Variants in FRMD4B observed in about 807,000 individuals in gnomAD.
The protein encoded by FRMD4B is FERM domain containing 4B.
Under a neutral mutation model 141.5 loss-of-function variants are expected in FRMD4B, and 74 were observed. The observed-to-expected ratio is 0.52, with a 90% CI of 0.43 to 0.63. The LOEUF is 0.63. Ranked by LOEUF, FRMD4B falls within the 30% of genes least tolerant of loss-of-function variation. FRMD4B has a pLI of 0.00. For missense variants in FRMD4B, 1,366 were observed against 1,253.4 expected (o/e 1.09, Z -1.36); for synonymous variants, 506 against 467.9 (o/e 1.08, Z -1.05).
intron 4 of FRMD4B, 43 bp downstream of exon 4, chr3:69,302,300 C>G: frequency 3.9e-6 from 4 of 1,037,466 alleles, no homozygotes; most frequent in Non-Finnish European, 5.9e-6. Flanking sequence ...CCAAAAATAA[C>G]AGCAAAAAAA....
intron 11 of FRMD4B, among the ~76,000 whole-genome samples, chr3:69,211,434 T>C (rs1575613511): frequency 6.6e-6 from 1 of 152,078 alleles, no homozygotes. Context: ...AAAAAAGCCA[T>C]ATAAATAAAA....
chr3:69,276,417 C>T (rs371269462), intron 5 of FRMD4B, among the ~76,000 whole-genome samples: 4 of 151,998 alleles, frequency 2.6e-5, no homozygotes, highest in Non-Finnish European at 2.9e-5. Context: ...GGACTACAGG[C>T]GTGCACCATC....
intron 2 of FRMD4B, among the ~76,000 whole-genome samples, chr3:69,409,537 C>T (rs9821804): frequency 0.025 from 3,840 of 152,252 alleles, 173 homozygotes; most frequent in African/African-American, 0.087. Flanking sequence ...CCAGCATTCA[C>T]CCTCATTCTT....
intron 19 of FRMD4B, among the ~76,000 whole-genome samples, chr3:69,183,474 ATTTTTTTTTTT>A (rs771537044): frequency 2.6e-5 from 3 of 113,252 alleles, no homozygotes; most frequent in African/African-American, 7.6e-5. Context: ...TTAGAAGTTA[ATTTTTTTTTTT>A]TTTTTTTTTT....
chr3:69,540,636 A>AAAAAAATATATATATAT (rs1553652109), intron 1 of FRMD4B, among the ~76,000 whole-genome samples: 1 of 69,534 alleles, frequency 1.4e-5, no homozygotes, highest in African/African-American at 8.3e-5. Flanking sequence ...AAAAAAAAAA[A>AAAAAAATATATATATAT]ATATATATAT....
intron 1 of FRMD4B, among the ~76,000 whole-genome samples, chr3:69,481,757 C>T (rs1312664590): frequency 2.6e-5 from 4 of 152,136 alleles, no homozygotes; most frequent in Non-Finnish European, 5.9e-5. Flanking sequence ...TAGGGCCCCA[C>T]ATTCAAGAAT....
intron 1 of FRMD4B, among the ~76,000 whole-genome samples, chr3:69,521,080 TCACTA>T (rs1575599279): frequency 1.3e-5 from 2 of 152,028 alleles, no homozygotes; most frequent in Non-Finnish European, 2.9e-5. Flanking sequence ...CTTGATGGAG[TCACTA>T]CTGGCTTTCT....
At chr3:69,186,316 G>C (rs1276257155) in intron 19 of FRMD4B, among the ~76,000 whole-genome samples, 1 of 135,672 alleles carries the variant, frequency 7.4e-6, no homozygotes, top group African/African-American at 2.8e-5. Context: ...CATGATCATA[G>C]TTCACTTCAA....
chr3:69,431,685 G>A (rs1005249128), intron 2 of FRMD4B, among the ~76,000 whole-genome samples: 9 of 152,108 alleles, frequency 5.9e-5, no homozygotes, highest in Non-Finnish European at 4.4e-5. Context: ...TAATCATTTT[G>A]ACCACAATTA....
At chr3:69,255,677 C>T (rs925570338) in intron 5 of FRMD4B, among the ~76,000 whole-genome samples, 2 of 152,048 alleles carry the variant, frequency 1.3e-5, no homozygotes, top group Non-Finnish European at 2.9e-5. Flanking sequence ...TACTTCTTTC[C>T]CTATGGCTCT....
At chr3:69,390,852 C>T (rs1375856639), upstream of FRMD4B, among the ~76,000 whole-genome samples, 2 of 151,710 alleles carry the variant, frequency 1.3e-5, no homozygotes, top group Non-Finnish European at 2.9e-5. Context: ...GAGATCACAT[C>T]ACTGCACTCC....
At chr3:69,400,895 C>G (rs1026411300) in intron 2 of FRMD4B, among the ~76,000 whole-genome samples, 3 of 152,106 alleles carry the variant, frequency 2.0e-5, no homozygotes, top group Non-Finnish European at 4.4e-5. Flanking sequence ...AACTTATTTG[C>G]CTTGTGGATT....
intron 1 of FRMD4B, among the ~76,000 whole-genome samples, chr3:69,322,781 T>G (rs1329263003): frequency 1.3e-5 from 2 of 152,062 alleles, no homozygotes; most frequent in Non-Finnish European, 2.9e-5. Flanking sequence ...TATTTTTTTG[T>G]AGAGATGGGG....
chr3:69,437,350 G>A (rs1240587102), intron 1 of FRMD4B, among the ~76,000 whole-genome samples: 2 of 151,690 alleles, frequency 1.3e-5, no homozygotes, highest in South Asian at 2.1e-4. Flanking sequence ...GGGTTCACAG[G>A]CATGAGCCAC....
chr3:69,435,288 A>G (rs888153880), intron 1 of FRMD4B, among the ~76,000 whole-genome samples: 2 of 152,214 alleles, frequency 1.3e-5, no homozygotes, highest in Admixed American at 6.5e-5. Context: ...AGTGTCATTC[A>G]TGAAGAGCTG....
intron 1 of FRMD4B, among the ~76,000 whole-genome samples, chr3:69,501,101 A>G (rs954603151): frequency 2.0e-5 from 3 of 152,202 alleles, no homozygotes; most frequent in Admixed American, 6.5e-5. Context: ...CAAAATTTGC[A>G]TATTTATTAA....
At chr3:69,212,381 G>GAAAAAAAAAAAAAAAAAAAAAGA in intron 11 of FRMD4B, among the ~76,000 whole-genome samples, 1 of 95,598 alleles carries the variant, frequency 1.0e-5, no homozygotes, top group South Asian at 3.6e-4. Flanking sequence ...AAAAAAAAAA[G>GAAAAAAAAAAAAAAAAAAAAAGA]AAAAAAAAAA....
chr3:69,306,524 T>C (rs958723299), intron 3 of FRMD4B: 1 of 152,214 alleles, frequency 6.6e-6, no homozygotes, highest in African/African-American at 2.4e-5. Flanking sequence ...CCTGAAGGAC[T>C]GGTGCCTCAG....
intron 1 of FRMD4B, among the ~76,000 whole-genome samples, chr3:69,349,759 C>G (rs1418379115): frequency 1.3e-5 from 2 of 152,190 alleles, no homozygotes; most frequent in Admixed American, 6.5e-5. Flanking sequence ...GCTGGGAAAA[C>G]TGGCTAACCA....
Sources: gnomAD v4.1 joint callset for allele counts (sites outside exome capture counted in the v4.1 genomes callset) on GRCh38, gnomAD v4.1.1 for gene constraint, MANE v1.5 for transcripts, NCBI Gene and HGNC (gene_info 2026-07-23, HGNC 2026-07-21) for gene names.